The following ZNF569 variants were observed in gnomAD, a reference collection of about 807,000 sequenced individuals.
ZNF569 encodes the protein zinc finger protein 569, also known as DNA-binding protein.
In ZNF569, 38 loss-of-function variants were observed where a neutral mutation model predicts 56.3. That is an observed-to-expected ratio of 0.68 (90% confidence interval 0.52 to 0.88). The LOEUF is 0.88. Ranked by LOEUF, ZNF569 falls within the 40% of genes least tolerant of loss-of-function variation. The probability of loss-of-function intolerance (pLI) is 0.00; values close to 1 mark genes in which losing one functional copy is unlikely to be tolerated. For missense variants in ZNF569, 666 were observed against 809.2 expected, an observed-to-expected ratio of 0.82 and a Z score of 2.15; for synonymous variants, 241 against 262.9, an observed-to-expected ratio of 0.92 and a Z score of 0.81.
chr19:37,448,556 CTTTTTTTTTTTT>C (rs545559315), intron 2 of ZNF569, among the ~76,000 whole-genome samples: 19 of 72,546 alleles, frequency 2.6e-4, no homozygotes, highest in African/African-American at 1.1e-3. Flanking sequence ...ATGCTGTAAT[CTTTTTTTTTTTT>C]TTTTTTTTTT....
At chr19:37,417,884 G>A (rs1299719974) in intron 5 of ZNF569, among the ~76,000 whole-genome samples, 1 of 152,044 alleles carries the variant, frequency 6.6e-6, no homozygotes, top group Non-Finnish European at 1.5e-5. Flanking sequence ...TGTGGATCAT[G>A]AAGTCAGGAG....
upstream of ZNF569, chr19:37,469,050 T>A: frequency 1.0e-6 from 1 of 994,172 alleles, no homozygotes. Context: ...CGCAGAGCGC[T>A]TGTGCCTGCG....
At chr19:37,418,101 A>AAATAATAATAATAATAATAATAAT (rs199794961) in intron 5 of ZNF569, among the ~76,000 whole-genome samples, 8 of 143,298 alleles carry the variant, frequency 5.6e-5, no homozygotes, top group Admixed American at 2.8e-4. Flanking sequence ...ACTCCATCTC[A>AAATAATAATAATAATAATAATAAT]AATAATAATA....
At chr19:37,467,624 G>T (rs2041870134), upstream of ZNF569, 3 of 569,998 alleles carry the variant, frequency 5.3e-6, no homozygotes, top group African/African-American at 3.8e-5. Context: ...ATACAGCGGG[G>T]TGAAGGTGGT....
Position 37,412,156 on chromosome 19 carries a change from A to C in ZNF569, c.*441T>G, listed in dbSNP as rs2040849044. The C allele has an allele frequency of 6.5e-6, 1 of 153,766 alleles. No homozygotes were observed. Among genetic ancestry groups the C allele is most frequent in the Non-Finnish European group, 1.5e-5 (1 of 68,890 alleles). The allele number at this position is 153,766 out of a possible 1,614,324, so 9.5% of individuals were successfully genotyped here. On this transcript the variant is annotated 3_prime_UTR_variant, in exon 6 of 6. Transcript: ENST00000316950. ...TTTCAGGTGTTCTTTTGTGCCTTTC[A>C]ACATATTTTATAACTTGATAAAGAC...
At chr19:37,430,213 AT>A (rs982762834) in intron 3 of ZNF569, among the ~76,000 whole-genome samples, 32 of 152,086 alleles carry the variant, frequency 2.1e-4, no homozygotes, top group African/African-American at 7.0e-4. Flanking sequence ...AAAAAAGAAT[AT>A]AGACTCAGAA....
In ZNF569 at chr19:37,444,948, G is replaced by A. The variant is rs1362474078; in HGVS notation, c.-27C>T. 2 of 1,606,750 alleles carry A rather than the reference G, an allele frequency of 1.2e-6. No homozygotes were observed. The highest frequency in any genetic ancestry group is 1.1e-5 in the South Asian group (1 of 89,496). ...TCCTCTTCTTTCTGGGAAGGGATGG[G>A]GCCTGCAGAAGTAGAGCTGGGGAAG... On this transcript the variant is annotated 5_prime_UTR_variant, in exon 3 of 6. Coordinates refer to ENST00000316950, the MANE Select transcript of ZNF569 (RefSeq NM_152484.3).
chr19:37,456,684 C>T (rs985223242), intron 2 of ZNF569, among the ~76,000 whole-genome samples: 4 of 151,990 alleles, frequency 2.6e-5, no homozygotes, highest in Non-Finnish European at 5.9e-5. Flanking sequence ...TTTAAAAACT[C>T]GAGGCCAGGC....
intron 2 of ZNF569, among the ~76,000 whole-genome samples, chr19:37,448,030 A>G (rs1021585753): frequency 3.3e-5 from 5 of 152,198 alleles, no homozygotes; most frequent in African/African-American, 9.7e-5. Context: ...TCCATGAGGA[A>G]TACTAGTCTG....
intron 5 of ZNF569, among the ~76,000 whole-genome samples, chr19:37,424,454 G>C (rs1334006539): frequency 6.6e-6 from 1 of 152,064 alleles, no homozygotes; most frequent in African/African-American, 2.4e-5. Flanking sequence ...AATTAAGAAT[G>C]GTATCTAGAA....
intron 5 of ZNF569, among the ~76,000 whole-genome samples, chr19:37,419,255 G>T (rs1456984595): frequency 2.0e-5 from 3 of 152,052 alleles, no homozygotes; most frequent in Non-Finnish European, 4.4e-5. Flanking sequence ...TTACATAAAT[G>T]ATAATCTTGA....
Position 37,413,993 on chromosome 19 carries a change from G to A in ZNF569, c.665C>T (p.Ala222Val). Residue 222 changes from alanine (A) to valine (V), a missense_variant, in exon 6 of 6, where the codon GCC becomes GTC. Transcript: ENST00000316950. ...AATAAGTTTTTCCTTGTGACTGAAG[G>A]CTTTTCTACAGTTACTACATTCATA... ...KPYECSNCRK[A>V]FSHKEKLIKH... The A allele has an allele frequency of 6.2e-7, 1 of 1,613,510 alleles. No homozygotes were observed. Among genetic ancestry groups the A allele is most frequent in the Non-Finnish European group, 8.5e-7 (1 of 1,179,852 alleles).
In ZNF569 at chr19:37,425,875, G is replaced by C. The variant is rs369850686; in HGVS notation, c.231C>G (p.His77Gln). Residue 77 changes from histidine (H) to glutamine (Q), a missense_variant, in exon 5 of 6, where the codon CAC (histidine) becomes CAG (glutamine). His to Gln is a conservative substitution (Grantham distance 24). Transcript: ENST00000316950. ...WVMEEEVLRRHWQGEIWGVDE... is the reference protein window; with the variant it reads ...WVMEEEVLRRQWQGEIWGVDE... ...TGGTTCCCTTCCACTAACCTTGCCA[G>C]TGTCTCCTTAATACTTCTTCCTCCA... is the stretch of plus-strand genomic sequence containing the variant. 6.2e-6 allele frequency: 10 copies of C among 1,613,626 alleles called. No individual in the cohort carries two copies. Among genetic ancestry groups the C allele is most frequent in the Non-Finnish European group, 8.5e-6 (10 of 1,179,608 alleles).
intron 3 of ZNF569, among the ~76,000 whole-genome samples, chr19:37,436,460 A>G (rs1600317596): frequency 6.6e-6 from 1 of 151,978 alleles, no homozygotes; most frequent in East Asian, 1.9e-4. Flanking sequence ...ACTCAAAATT[A>G]TTAGAAGAAA....
At chr19:37,456,189 A>G (rs904344626) in intron 2 of ZNF569, among the ~76,000 whole-genome samples, 1 of 151,916 alleles carries the variant, frequency 6.6e-6, no homozygotes, top group Non-Finnish European at 1.5e-5. Flanking sequence ...TCCTCTGTAG[A>G]AAGTTTTTGG....
upstream of ZNF569, chr19:37,467,814 G>A (rs2041873664): frequency 8.9e-6 from 13 of 1,465,958 alleles, no homozygotes; most frequent in East Asian, 3.2e-4. Flanking sequence ...GCGAATATGC[G>A]ACCTTTTGTG....
intron 3 of ZNF569, among the ~76,000 whole-genome samples, chr19:37,437,015 CAAAA>C (rs368735580): frequency 1.0e-5 from 1 of 100,148 alleles, no homozygotes; most frequent in Non-Finnish European, 2.2e-5. Flanking sequence ...CAAGACACAT[CAAAA>C]AAAAAAAAAA....
intron 2 of ZNF569, among the ~76,000 whole-genome samples, chr19:37,448,882 TTTGAG>T (rs1409115618): frequency 7.2e-5 from 11 of 152,142 alleles, no homozygotes; most frequent in East Asian, 5.8e-4. Flanking sequence ...TTTTGTTTGC[TTTGAG>T]TTTAGTTTGC....
In ZNF569 at chr19:37,455,363, A is replaced by G. The variant is rs1203004311; in HGVS notation, c.-44+9950T>C. Reference sequence around the variant, plus strand: ...AATTCACAAACTAAATGTTATATTCATAACAAATGTTATTTTTCTTTCCAC... The same window carrying G: ...AATTCACAAACTAAATGTTATATTCGTAACAAATGTTATTTTTCTTTCCAC... On this transcript the variant is annotated intron_variant, in intron 2 of 5. Transcript: ENST00000316950. Among the ~76,000 whole-genome samples, 5 of 152,222 alleles carry G rather than the reference A, an allele frequency of 3.3e-5. 1 individual carries two copies. The South Asian group carries it at 6.2e-4, about 19-fold the overall frequency.
Sources: allele counts gnomAD v4.1 joint callset (sites outside exome capture counted in the v4.1 genomes callset), GRCh38; gene constraint gnomAD v4.1.1; transcripts MANE v1.5; gene names NCBI Gene and HGNC (gene_info 2026-07-23, HGNC 2026-07-21).